The following MCUB variants were observed in gnomAD, a reference collection of about 807,000 sequenced individuals.
MCUB encodes the protein calcium uniporter regulatory subunit MCUb, mitochondrial.
MCUB carries 46 observed loss-of-function variants against 41.4 expected under a neutral mutation model. The observed-to-expected ratio is 1.11, with a 90% CI of 0.88 to 1.42. The LOEUF is 1.42. Ranked by LOEUF, MCUB falls within the 40% of genes most tolerant of loss-of-function variation. The probability of loss-of-function intolerance (pLI) is 0.00; values close to 1 mark genes in which losing one functional copy is unlikely to be tolerated. For missense variants in MCUB, 403 were observed against 404.9 expected, an observed-to-expected ratio of 1.00 and a Z score of 0.04; for synonymous variants, 148 against 148.2, an observed-to-expected ratio of 1.00 and a Z score of 0.01.
chr4:109,637,808 A>G (rs1728627442), intron 1 of MCUB, among the ~76,000 whole-genome samples: 1 of 152,220 alleles, frequency 6.6e-6, no homozygotes, highest in East Asian at 1.9e-4. Context: ...CTACTTGGGT[A>G]ATGAATGCAC....
At chr4:109,684,072 T>C (rs2126152739) in intron 5 of MCUB, among the ~76,000 whole-genome samples, 1 of 151,634 alleles carries the variant, frequency 6.6e-6, no homozygotes, top group East Asian at 1.9e-4. Flanking sequence ...TTTCTTTTTT[T>C]TTTTTTTTGA....
At chr4:109,573,345 C>A (rs145611274) in intron 1 of MCUB, among the ~76,000 whole-genome samples, 1 of 151,306 alleles carries the variant, frequency 6.6e-6, no homozygotes, top group Non-Finnish European at 1.5e-5. Flanking sequence ...CCCCACTACT[C>A]GGGAGGCTGC....
At chr4:109,585,653 A>G (rs1380212801) in intron 1 of MCUB, among the ~76,000 whole-genome samples, 1 of 152,162 alleles carries the variant, frequency 6.6e-6, no homozygotes, top group Non-Finnish European at 1.5e-5. Flanking sequence ...GGTGGTGACA[A>G]AATCTCTCAG....
intron 1 of MCUB, among the ~76,000 whole-genome samples, chr4:109,657,388 C>A (rs1472905592): frequency 6.6e-6 from 1 of 151,834 alleles, no homozygotes; most frequent in South Asian, 2.1e-4. Context: ...AATGGACCTT[C>A]ATTTGGGTCA....
chr4:109,632,000 C>T (rs1468745970), intron 1 of MCUB, among the ~76,000 whole-genome samples: 1 of 152,086 alleles, frequency 6.6e-6, no homozygotes, highest in South Asian at 2.1e-4. Context: ...GGCTCTTTGG[C>T]GCTGATGCTT....
In MCUB at chr4:109,687,512, C is replaced by G; in HGVS notation, c.934-3C>G. 1 of 1,603,832 alleles carries G rather than the reference C, an allele frequency of 6.2e-7. No individual in the cohort carries two copies. The highest frequency in any genetic ancestry group is 8.5e-7 in the Non-Finnish European group (1 of 1,171,932). On this transcript the variant is annotated splice_polypyrimidine_tract_variant and splice_region_variant and intron_variant, in intron 7 of 7. Coordinates refer to ENST00000394650, the MANE Select transcript of MCUB (RefSeq NM_017918.5). ...CACATGCTTTTTCTTTTTCCCATGACAGGCTAAAGAATCCCTGAAACAGGC... is the reference window on the plus strand; with the variant it reads ...CACATGCTTTTTCTTTTTCCCATGAGAGGCTAAAGAATCCCTGAAACAGGC...
rs1579094215 is a variant in MCUB, at chr4:109,672,869, T to C, written c.451+8475T>C. On this transcript the variant is annotated intron_variant, in intron 4 of 7. Coordinates refer to ENST00000394650, the MANE Select transcript of MCUB (RefSeq NM_017918.5). Reference sequence around the variant, plus strand: ...TTGTAAGTACTTTTACTTTTTGATATAGAAAGATGATCCAGGTTGACCTTG... The same window carrying C: ...TTGTAAGTACTTTTACTTTTTGATACAGAAAGATGATCCAGGTTGACCTTG... Among the ~76,000 whole-genome samples, 3 of 152,338 alleles carry C rather than the reference T, an allele frequency of 2.0e-5. No homozygotes were observed. The East Asian group carries it at 5.8e-4, about 29-fold the overall frequency.
intron 1 of MCUB, among the ~76,000 whole-genome samples, chr4:109,608,960 C>T (rs533816050): frequency 4.4e-4 from 67 of 152,276 alleles, no homozygotes; most frequent in African/African-American, 1.6e-3. Flanking sequence ...TTCTTCAAGA[C>T]TTGTAGAGGT....
At chr4:109,579,613 T>G (rs1389573364) in intron 1 of MCUB, among the ~76,000 whole-genome samples, 1 of 152,140 alleles carries the variant, frequency 6.6e-6, no homozygotes, top group Non-Finnish European at 1.5e-5. Flanking sequence ...ATTTGCATTG[T>G]GGATAGGTAA....
chr4:109,599,834 A>C (rs190918659), intron 1 of MCUB, among the ~76,000 whole-genome samples: 4 of 151,998 alleles, frequency 2.6e-5, no homozygotes, highest in Non-Finnish European at 5.9e-5. Flanking sequence ...ATAGCCAGCT[A>C]ATTTTCTGTA....
At chr4:109,578,254 G>T (rs140957817) in intron 1 of MCUB, among the ~76,000 whole-genome samples, 1 of 152,086 alleles carries the variant, frequency 6.6e-6, no homozygotes, top group Non-Finnish European at 1.5e-5. Flanking sequence ...CAATATATGG[G>T]AATATAGTTC....
At position 109,659,059 on chromosome 4, in the gene MCUB, C is replaced by A; in HGVS notation, c.148C>A (p.His50Asn). ...AAATGTGAAATACTACCAGTCACAC[C>A]ATTATAGTACCGTGGTGCCACCTGA... ...CGNVKYYQSHHYSTVVPPDEI... is the reference protein window; with the variant it reads ...CGNVKYYQSHNYSTVVPPDEI... Residue 50 changes from histidine to asparagine, a missense_variant, in exon 2 of 8, where the codon CAT becomes AAT. His to Asn is a moderately conservative substitution (Grantham distance 68). Coordinates refer to ENST00000394650, the MANE Select transcript of MCUB (RefSeq NM_017918.5). 1 of 1,534,412 alleles carries A rather than the reference C, an allele frequency of 6.5e-7. No homozygotes were observed. The highest frequency in any genetic ancestry group is 8.8e-7 in the Non-Finnish European group (1 of 1,131,270).
intron 1 of MCUB, among the ~76,000 whole-genome samples, chr4:109,606,497 T>G (rs1226901019): frequency 6.6e-6 from 1 of 152,198 alleles, no homozygotes; most frequent in East Asian, 1.9e-4. Flanking sequence ...TTTAATTTCT[T>G]GCTTTTTGTT....
intron 1 of MCUB, among the ~76,000 whole-genome samples, chr4:109,604,312 C>T (rs1727820619): frequency 6.6e-6 from 1 of 152,106 alleles, no homozygotes; most frequent in African/African-American, 2.4e-5. Flanking sequence ...TGCTGACCCT[C>T]TCTCCACTAT....
chr4:109,665,165 A>G (rs1476267778), intron 4 of MCUB, among the ~76,000 whole-genome samples: 1 of 152,230 alleles, frequency 6.6e-6, no homozygotes, highest in African/African-American at 2.4e-5. Flanking sequence ...TGTATATTCT[A>G]TAGATTGTGA....
intron 1 of MCUB, among the ~76,000 whole-genome samples, chr4:109,643,987 A>G (rs961533232): frequency 3.3e-5 from 5 of 152,136 alleles, no homozygotes; most frequent in African/African-American, 1.2e-4. Flanking sequence ...GATTTGGGGG[A>G]GCCTCGCTGA....
intron 1 of MCUB, among the ~76,000 whole-genome samples, chr4:109,632,791 T>C (rs1343906361): frequency 6.6e-6 from 1 of 152,042 alleles, no homozygotes; most frequent in Non-Finnish European, 1.5e-5. Context: ...ATTTTTGTAT[T>C]TTTAGTAGAG....
At chr4:109,681,981 C>T (rs192861292) in intron 4 of MCUB, among the ~76,000 whole-genome samples, 10 of 152,332 alleles carry the variant, frequency 6.6e-5, no homozygotes, top group Non-Finnish European at 1.0e-4. Flanking sequence ...TTTTATATCC[C>T]GATCCTTGTC....
At chr4:109,652,720 G>A in intron 1 of MCUB, among the ~76,000 whole-genome samples, 1 of 152,154 alleles carries the variant, frequency 6.6e-6, no homozygotes, top group Middle Eastern at 3.2e-3. Flanking sequence ...GTTGCATTGG[G>A]CATTAGGTTT....
Sources: gnomAD v4.1 joint callset for allele counts (sites outside exome capture counted in the v4.1 genomes callset) on GRCh38, gnomAD v4.1.1 for gene constraint, MANE v1.5 for transcripts, NCBI Gene and HGNC (gene_info 2026-07-23, HGNC 2026-07-21) for gene names.